NCKAP5: variants seen among roughly 807,000 people sequenced by gnomAD.
NCKAP5 encodes the protein nck-associated protein 5.
NCKAP5 carries 92 observed loss-of-function variants against 167.0 expected under a neutral mutation model. The ratio of observed to expected loss-of-function variants is 0.55; its 90% CI spans 0.47 to 0.66. NCKAP5 has a LOEUF of 0.66. Ranked by LOEUF, NCKAP5 falls within the 30% of genes least tolerant of loss-of-function variation. The pLI is 0.00. For missense variants in NCKAP5, 2,378 were observed against 2,315.0 expected, an observed-to-expected ratio of 1.03 and a Z score of -0.56; for synonymous variants, 891 against 877.4, an observed-to-expected ratio of 1.02 and a Z score of -0.27.
intron 9 of NCKAP5, among the ~76,000 whole-genome samples, chr2:132,876,232 C>A (rs7584054): frequency 0.34 from 52,347 of 151,808 alleles, 9,786 homozygotes; most frequent in East Asian, 0.56. Flanking sequence ...CTACAGGTAC[C>A]TGCCACTACA....
chr2:133,452,532 G>A (rs1691612485), intron 3 of NCKAP5, among the ~76,000 whole-genome samples: 1 of 152,156 alleles, frequency 6.6e-6, no homozygotes, highest in Non-Finnish European at 1.5e-5. Context: ...GCTTCTAAGT[G>A]GCATAGATGT....
Position 133,150,389 on chromosome 2 carries a change from G to T in NCKAP5, c.208-20278C>A, listed in dbSNP as rs543741072. Among the ~76,000 whole-genome samples, 8 of 152,082 alleles carry T rather than the reference G, an allele frequency of 5.3e-5. No individual in the cohort carries two copies. In the East Asian group the frequency reaches 1.6e-3, roughly 29 times the overall value. Reference sequence around the variant, plus strand: ...TCCACAATTTCTGGCATCCACTGGGGGTCTGAATGGAGCATATATACTGAA... The same window carrying T: ...TCCACAATTTCTGGCATCCACTGGGTGTCTGAATGGAGCATATATACTGAA... On this transcript the variant is annotated intron_variant, in intron 5 of 19. Coordinates refer to ENST00000409261, the MANE Select transcript of NCKAP5 (RefSeq NM_207363.3).
At chr2:132,954,597 A>G (rs1459039813) in intron 8 of NCKAP5, 1 of 451,644 alleles carries the variant, frequency 2.2e-6, no homozygotes, top group Non-Finnish European at 4.4e-6. Flanking sequence ...ATAAATTTCT[A>G]CATAGCCACT....
At chr2:132,943,491 A>G (rs545896648) in intron 8 of NCKAP5, among the ~76,000 whole-genome samples, 1 of 152,384 alleles carries the variant, frequency 6.6e-6, no homozygotes, top group East Asian at 1.9e-4. Context: ...AGATGCAAAG[A>G]GCTGAGAGAA....
At chr2:132,925,789 G>A (rs1175557327) in intron 8 of NCKAP5, among the ~76,000 whole-genome samples, 1 of 152,088 alleles carries the variant, frequency 6.6e-6, no homozygotes, top group African/African-American at 2.4e-5. Context: ...CAATAGTTGA[G>A]GAAGTAACTT....
At chr2:133,214,233 G>A (rs1326966917) in intron 4 of NCKAP5, among the ~76,000 whole-genome samples, 1 of 152,102 alleles carries the variant, frequency 6.6e-6, no homozygotes, top group Non-Finnish European at 1.5e-5. Context: ...TTGCATGCTT[G>A]CTACATAACA....
intron 8 of NCKAP5, among the ~76,000 whole-genome samples, chr2:132,916,418 C>T (rs1574619250): frequency 6.6e-6 from 1 of 151,964 alleles, no homozygotes; most frequent in Non-Finnish European, 1.5e-5. Flanking sequence ...CATAAAAACA[C>T]ACATCATAAA....
At chr2:133,595,783 A>G in the NCKAP5 span, among the ~76,000 whole-genome samples, 1 of 152,208 alleles carries the variant, frequency 6.6e-6, no homozygotes, top group Non-Finnish European at 1.5e-5. Context: ...AAGCAGCCAC[A>G]AACAATATGT....
At chr2:133,103,619 C>A (rs1328129127) in intron 6 of NCKAP5, among the ~76,000 whole-genome samples, 3 of 152,068 alleles carry the variant, frequency 2.0e-5, no homozygotes, top group South Asian at 2.1e-4. Flanking sequence ...GACAGCAAGA[C>A]CCTGTCTCTA....
rs775303373 is a variant in NCKAP5, at chr2:132,785,175, A to T, written c.1636T>A (p.Leu546Ile). 4 of 1,593,194 alleles carry T rather than the reference A, an allele frequency of 2.5e-6. No individual in the cohort carries two copies. The highest frequency in any genetic ancestry group is 3.4e-6 in the Non-Finnish European group (4 of 1,171,234). Residue 546 changes from leucine (L) to isoleucine (I), a missense_variant, in exon 14 of 20, where the codon TTA becomes ATA. By Grantham distance (5) the Leu-to-Ile change is conservative. Transcript: ENST00000409261. Reference sequence around the variant, plus strand: ...ACACTTGGGCACAGCTTCATCTCTAAGGGACAGCTGCTGGCGCAACTTGTC... The same window carrying T: ...ACACTTGGGCACAGCTTCATCTCTATGGGACAGCTGCTGGCGCAACTTGTC... ...KLTSCASSCP[L>I]EMKLCPSVQT... is the part of the protein sequence containing the mutation.
intron 5 of NCKAP5, among the ~76,000 whole-genome samples, chr2:133,178,565 C>A (rs1377809589): frequency 1.4e-5 from 2 of 143,366 alleles, no homozygotes; most frequent in African/African-American, 5.2e-5. Flanking sequence ...TTGGCTCACG[C>A]CTGTAATCCC....
At chr2:133,388,117 C>T (rs1195021307) in intron 3 of NCKAP5, among the ~76,000 whole-genome samples, 4 of 152,190 alleles carry the variant, frequency 2.6e-5, no homozygotes, top group African/African-American at 9.7e-5. Flanking sequence ...AAGAGAGGTG[C>T]TCTGATTTTT....
At chr2:132,937,200 A>G (rs1696919435) in intron 8 of NCKAP5, among the ~76,000 whole-genome samples, 1 of 152,150 alleles carries the variant, frequency 6.6e-6, no homozygotes, top group Admixed American at 6.5e-5. Flanking sequence ...GGGGACAGAG[A>G]GGCTGCCCAA....
chr2:133,093,776 G>T (rs1265767379), intron 6 of NCKAP5, among the ~76,000 whole-genome samples: 3 of 152,114 alleles, frequency 2.0e-5, no homozygotes, highest in Non-Finnish European at 2.9e-5. Context: ...AGAGGAGAAG[G>T]GATCAATGAG....
At chr2:133,598,595 C>T in the NCKAP5 span, among the ~76,000 whole-genome samples, 1 of 152,152 alleles carries the variant, frequency 6.6e-6, no homozygotes, top group African/African-American at 2.4e-5. Flanking sequence ...AACAGGGGCC[C>T]AGTTGCTTTA....
At chr2:133,003,240 A>T (rs1259048742) in intron 6 of NCKAP5, among the ~76,000 whole-genome samples, 1 of 152,140 alleles carries the variant, frequency 6.6e-6, no homozygotes. Context: ...CATATTTTGC[A>T]TTGCCTCCCA....
the NCKAP5 span, among the ~76,000 whole-genome samples, chr2:133,669,278 G>A: frequency 1.3e-5 from 2 of 152,110 alleles, no homozygotes; most frequent in African/African-American, 2.4e-5. Context: ...TCAGATTGTT[G>A]CAAGCCTTTC....
intron 5 of NCKAP5, among the ~76,000 whole-genome samples, chr2:133,182,398 C>A (rs2084777257): frequency 6.6e-6 from 1 of 152,156 alleles, no homozygotes; most frequent in Admixed American, 6.5e-5. Flanking sequence ...AAAAACTCAG[C>A]AAATATTAAA....
chr2:132,785,216 T>G lies in NCKAP5; in HGVS notation c.1595A>C (p.Glu532Ala). ...LEGTSSVYPK[E>A]RPEKLTSCAS... ...GCAACTTGTCAGCTTTTCAGGCCTT[T>G]CCTTGGGATAAACTGAGGATGTGCC... The change falls in exon 14 of 20, where the codon GAA becomes GCA. Residue 532 changes from glutamate (E) to alanine (A), a missense_variant. This residue lies in a region of NCKAP5 where 1,049 missense variants were observed against 1,023.4 expected (regional missense o/e 1.02). Transcript: ENST00000409261. 6.4e-7 allele frequency: 1 copy of G among 1,571,818 alleles called. No homozygotes were observed. Among genetic ancestry groups the G allele is most frequent in the South Asian group, 1.2e-5 (1 of 83,150 alleles).
Sources: allele counts gnomAD v4.1 joint callset (sites outside exome capture counted in the v4.1 genomes callset), GRCh38; gene constraint gnomAD v4.1.1; regional missense constraint gnomAD v4.1.1; transcripts MANE v1.5; gene names NCBI Gene and HGNC (gene_info 2026-07-23, HGNC 2026-07-21).